Variants in PIGK observed in about 807,000 individuals in gnomAD.
PIGK encodes GPI-anchor transamidase.
In PIGK, 42 loss-of-function variants were observed where a neutral mutation model predicts 50.6. The ratio of observed to expected loss-of-function variants is 0.83; its 90% confidence interval spans 0.65 to 1.07. PIGK has a LOEUF of 1.07. Ranked by LOEUF, PIGK falls within the 50% of genes least tolerant of loss-of-function variation. PIGK has a pLI of 0.00. For synonymous variants in PIGK, 151 were observed against 156.0 expected (o/e 0.97, Z 0.24); for missense variants, 448 against 488.7 (o/e 0.92, Z 0.78).
At chr1:77,108,898 G>A (rs571885008) in intron 10 of PIGK, among the ~76,000 whole-genome samples, 5 of 152,274 alleles carry the variant, frequency 3.3e-5, no homozygotes, top group African/African-American at 9.6e-5. Context: ...ACTGAAGCGT[G>A]TGCATTTGTC....
intron 3 of PIGK, among the ~76,000 whole-genome samples, chr1:77,178,241 T>C (rs182834754): frequency 8.5e-5 from 13 of 152,200 alleles, no homozygotes; most frequent in Non-Finnish European, 1.8e-4. Flanking sequence ...AAACAGACCA[T>C]TGGTTCATTC....
In PIGK at chr1:77,154,477, G is replaced by T. The variant is rs1319750062; in HGVS notation, c.958C>A (p.Gln320Lys). 1 of 1,610,616 alleles carries T rather than the reference G, an allele frequency of 6.2e-7. No homozygotes were observed. Among genetic ancestry groups the T allele is most frequent in the Non-Finnish European group, 8.5e-7 (1 of 1,177,786 alleles). The change falls in exon 9 of 11, where the codon CAA becomes AAA. Residue 320 changes from glutamine to lysine, a missense_variant. Transcript: ENST00000370812. ...CTTTCCATGATTTCTGAATCCTGTT[G>T]CAATTTAATAGTCTCTGTTGTAATT... ...VEITTETIKL[Q>K]QDSEIMESSY...
At chr1:77,214,338 A>G (rs1268932635) in intron 1 of PIGK, among the ~76,000 whole-genome samples, 1 of 151,812 alleles carries the variant, frequency 6.6e-6, no homozygotes, top group African/African-American at 2.4e-5. Context: ...ACACCACAAT[A>G]GAGTAGTGTT....
At chr1:77,109,993 G>C (rs1274837318) in intron 10 of PIGK, among the ~76,000 whole-genome samples, 1 of 152,114 alleles carries the variant, frequency 6.6e-6, no homozygotes, top group Non-Finnish European at 1.5e-5. Flanking sequence ...CAAATCATGA[G>C]TGAACTCCCA....
At chr1:77,129,425 T>C in intron 9 of PIGK, 1 of 1,486,430 alleles carries the variant, frequency 6.7e-7, no homozygotes, top group Non-Finnish European at 9.3e-7. Context: ...ATGCTGAACT[T>C]AAGGGTTTAG....
At position 77,103,285 on chromosome 1, in the gene PIGK, CA is replaced by C. The variant is rs979537233; in HGVS notation, c.1072-10796del. Among the ~76,000 whole-genome samples, 40 of 150,592 alleles carry C rather than the reference CA, an allele frequency of 2.7e-4. No homozygotes were observed. In the Middle Eastern group the frequency reaches 0.014, roughly 52 times the overall value. ...GACAATAACGATTCTCTTTTCTACT[CA>C]AAAAAAAAGTAAAGAATTTGAAGTT... is the stretch of plus-strand genomic sequence containing the variant. On this transcript the variant is annotated intron_variant, in intron 10 of 10. Transcript: ENST00000370812.
chr1:77,140,737 A>C (rs1316564893), intron 9 of PIGK, among the ~76,000 whole-genome samples: 2 of 152,216 alleles, frequency 1.3e-5, no homozygotes, highest in East Asian at 3.8e-4. Context: ...AAAACCATAC[A>C]AGATTAATTT....
At chr1:77,204,599 C>T (rs1287272307) in intron 3 of PIGK, among the ~76,000 whole-genome samples, 1 of 152,034 alleles carries the variant, frequency 6.6e-6, no homozygotes, top group Non-Finnish European at 1.5e-5. Context: ...ATAGAACCTG[C>T]CGACATGTGA....
chr1:77,214,024 G>A (rs974792889), intron 1 of PIGK, among the ~76,000 whole-genome samples: 12 of 152,082 alleles, frequency 7.9e-5, no homozygotes, highest in South Asian at 2.1e-4. Flanking sequence ...TGAGTAATGC[G>A]CTTGAAGCAG....
intron 3 of PIGK, among the ~76,000 whole-genome samples, chr1:77,180,036 G>A (rs839802): frequency 0.99 from 150,599 of 151,534 alleles, 74,838 homozygotes; most frequent in Middle Eastern, 1. Flanking sequence ...CTCAAAAAAA[G>A]AAGCTACTCT....
At chr1:77,095,377 A>G (rs1653385325) in intron 10 of PIGK, among the ~76,000 whole-genome samples, 1 of 152,186 alleles carries the variant, frequency 6.6e-6, no homozygotes, top group South Asian at 2.1e-4. Context: ...TTGCTCTGTG[A>G]AACACAATAC....
chr1:77,156,900 G>A (rs564736420), intron 8 of PIGK, among the ~76,000 whole-genome samples: 26 of 152,206 alleles, frequency 1.7e-4, no homozygotes, highest in African/African-American at 6.0e-4. Flanking sequence ...TCGCATTCAA[G>A]AAGCTCAAAG....
intron 10 of PIGK, among the ~76,000 whole-genome samples, chr1:77,117,685 AT>A (rs1654010577): frequency 6.6e-6 from 1 of 152,184 alleles, no homozygotes; most frequent in Non-Finnish European, 1.5e-5. Context: ...TAAATTGGTT[AT>A]CATTTATCCA....
intron 9 of PIGK, among the ~76,000 whole-genome samples, chr1:77,153,219 G>A (rs1654930759): frequency 6.6e-6 from 1 of 152,084 alleles, no homozygotes; most frequent in Admixed American, 6.5e-5. Flanking sequence ...CAACATGGAT[G>A]GAACTGGAAG....
intron 9 of PIGK, among the ~76,000 whole-genome samples, chr1:77,123,001 T>A (rs935278350): frequency 6.6e-6 from 1 of 152,156 alleles, no homozygotes; most frequent in East Asian, 1.9e-4. Context: ...ATTGACTGAA[T>A]AATAAATATA....
chr1:77,168,399 C>T (rs1355723343), intron 4 of PIGK, among the ~76,000 whole-genome samples: 1 of 152,064 alleles, frequency 6.6e-6, no homozygotes, highest in African/African-American at 2.4e-5. Context: ...CAGCAAAATG[C>T]TAATTGTTTT....
At chr1:77,196,832 C>T (rs1570257259) in intron 3 of PIGK, among the ~76,000 whole-genome samples, 1 of 152,138 alleles carries the variant, frequency 6.6e-6, no homozygotes, top group East Asian at 1.9e-4. Flanking sequence ...TTAGGTACAA[C>T]CTGTCAACTT....
chr1:77,102,277 A>G (rs933603458), intron 10 of PIGK, among the ~76,000 whole-genome samples: 1 of 152,172 alleles, frequency 6.6e-6, no homozygotes, highest in Non-Finnish European at 1.5e-5. Context: ...TTTGGATTCT[A>G]TTATATTTCT....
At chr1:77,175,973 T>G (rs895817252) in intron 3 of PIGK, among the ~76,000 whole-genome samples, 2 of 152,120 alleles carry the variant, frequency 1.3e-5, no homozygotes, top group Non-Finnish European at 1.5e-5. Context: ...TGGCTCTCCC[T>G]GAACAAGATT....
Sources: gnomAD v4.1 joint callset for allele counts (sites outside exome capture counted in the v4.1 genomes callset) on GRCh38, gnomAD v4.1.1 for gene constraint, MANE v1.5 for transcripts, NCBI Gene and HGNC (gene_info 2026-07-23, HGNC 2026-07-21) for gene names.